The following PKP2 variants were observed in gnomAD, a reference collection of about 807,000 sequenced individuals.
The protein encoded by PKP2 is plakophilin 2, also known as plakophilin-2.
In PKP2, 73 loss-of-function variants were observed where a neutral mutation model predicts 83.4. The ratio of observed to expected loss-of-function variants is 0.88; its 90% CI spans 0.72 to 1.06. The LOEUF is 1.06. Ranked by LOEUF, PKP2 falls within the 50% of genes least tolerant of loss-of-function variation. The pLI is 0.00. For missense variants in PKP2, 966 were observed against 1,065.4 expected, an observed-to-expected ratio of 0.91 and a Z score of 1.30; for synonymous variants, 409 against 430.4, an observed-to-expected ratio of 0.95 and a Z score of 0.62.
At chr12:32,863,884 T>G (rs1453917582) in intron 4 of PKP2, among the ~76,000 whole-genome samples, 2 of 152,232 alleles carry the variant, frequency 1.3e-5, no homozygotes, top group Non-Finnish European at 2.9e-5. Context: ...AGATCATGTC[T>G]TTTACACAGA....
rs138596469 is a variant in PKP2 at position 32,808,750 on chromosome 12, C to T, written c.2014-6194G>A. ...TGTTGTTGTTGTTTTTTTCTTTTCA[C>T]GGTCAGGCTACTGACTCTTAGCAAC... On this transcript the variant is annotated intron_variant, in intron 9 of 12. Coordinates refer to ENST00000340811, the MANE Select transcript of PKP2 (RefSeq NM_001005242.3). Among the ~76,000 whole-genome samples, 593 of 152,158 alleles carry T rather than the reference C, an allele frequency of 3.9e-3. 3 individuals are homozygous for T. Among genetic ancestry groups the T allele is most frequent in the African/African-American group, 0.014 (569 of 41,514 alleles).
At chr12:32,853,663 A>G (rs1207743442) in intron 4 of PKP2, among the ~76,000 whole-genome samples, 2 of 152,026 alleles carry the variant, frequency 1.3e-5, no homozygotes, top group African/African-American at 4.8e-5. Context: ...GGCGCGCCCT[A>G]CCATGCCCAG....
chr12:32,856,459 A>G (rs1453504498), intron 4 of PKP2, among the ~76,000 whole-genome samples: 3 of 152,238 alleles, frequency 2.0e-5, no homozygotes, highest in South Asian at 4.1e-4. Flanking sequence ...TTTTAGAAGT[A>G]GCATTAACAG....
At chr12:32,852,075 T>TAG (rs1956701399) in intron 4 of PKP2, among the ~76,000 whole-genome samples, 1 of 152,244 alleles carries the variant, frequency 6.6e-6, no homozygotes. Flanking sequence ...CATTAGGTTG[T>TAG]AGACTGAAGG....
At chr12:32,795,481 A>G (rs1956111931) in intron 11 of PKP2, among the ~76,000 whole-genome samples, 1 of 152,012 alleles carries the variant, frequency 6.6e-6, no homozygotes, top group Non-Finnish European at 1.5e-5. Flanking sequence ...CCTGGGCTCA[A>G]GTGATTCTCA....
intron 4 of PKP2, among the ~76,000 whole-genome samples, chr12:32,855,435 A>T (rs1956736651): frequency 6.6e-6 from 1 of 152,220 alleles, no homozygotes; most frequent in South Asian, 2.1e-4. Flanking sequence ...ATGTTAACTG[A>T]AATTTATAAA....
At chr12:32,859,672 T>C (rs951906114) in intron 4 of PKP2, among the ~76,000 whole-genome samples, 2 of 152,166 alleles carry the variant, frequency 1.3e-5, no homozygotes, top group Admixed American at 1.3e-4. Flanking sequence ...GCCAGGCTGG[T>C]CTTGAACTCT....
At chr12:32,825,358 G>A (rs1326459990) in intron 6 of PKP2, among the ~76,000 whole-genome samples, 5 of 151,690 alleles carry the variant, frequency 3.3e-5, no homozygotes, top group South Asian at 4.2e-4. Context: ...TAGTAGAGAC[G>A]GGGTTTCACC....
rs16920248 is a variant in PKP2, at chr12:32,815,261, G to A, written c.2013+6095C>T. Among the ~76,000 whole-genome samples, 77 of 152,114 alleles carry A rather than the reference G, an allele frequency of 5.1e-4. No individual in the cohort carries two copies. The East Asian group carries it at 0.013, about 26-fold the overall frequency. On this transcript the variant is annotated intron_variant, in intron 9 of 12. Coordinates refer to ENST00000340811, the MANE Select transcript of PKP2 (RefSeq NM_001005242.3). ...TTAAACCCTTTCATGACTCTTCATCGCCTTCCGAATGATGTTCAAACATCT... is the reference window on the plus strand; with the variant it reads ...TTAAACCCTTTCATGACTCTTCATCACCTTCCGAATGATGTTCAAACATCT...
chr12:32,888,944 C>T (rs1424639179), intron 1 of PKP2, among the ~76,000 whole-genome samples: 3 of 152,178 alleles, frequency 2.0e-5, no homozygotes, highest in East Asian at 1.9e-4. Context: ...GAAAGAGCCA[C>T]CATGCTAGGT....
intron 6 of PKP2, among the ~76,000 whole-genome samples, chr12:32,829,200 AC>A (rs1356794052): frequency 6.6e-6 from 1 of 151,866 alleles, no homozygotes; most frequent in Non-Finnish European, 1.5e-5. Context: ...TGCTGGGATT[AC>A]AGGTGTAAGC....
At chr12:32,822,967 G>A (rs1956396839) in intron 7 of PKP2, among the ~76,000 whole-genome samples, 1 of 152,168 alleles carries the variant, frequency 6.6e-6, no homozygotes, top group Admixed American at 6.6e-5. Flanking sequence ...GACCAACTAG[G>A]AGGCTATTGC....
intron 1 of PKP2, among the ~76,000 whole-genome samples, chr12:32,881,966 T>A (rs1207874021): frequency 6.6e-6 from 1 of 152,134 alleles, no homozygotes; most frequent in Non-Finnish European, 1.5e-5. Flanking sequence ...ATAAAAAGGT[T>A]CTAATCCTGA....
intron 4 of PKP2, among the ~76,000 whole-genome samples, chr12:32,861,363 A>G (rs1188924014): frequency 6.6e-6 from 1 of 152,234 alleles, no homozygotes; most frequent in East Asian, 1.9e-4. Context: ...CATGTTAAAT[A>G]GAAACATAGA....
chr12:32,884,222 A>T (rs1169154644), intron 1 of PKP2, among the ~76,000 whole-genome samples: 1 of 152,142 alleles, frequency 6.6e-6, no homozygotes, highest in East Asian at 1.9e-4. Flanking sequence ...GGGAGGTCCA[A>T]GTGGGCAGAT....
At chr12:32,850,135 C>T (rs1320175776) in intron 5 of PKP2, among the ~76,000 whole-genome samples, 2 of 152,180 alleles carry the variant, frequency 1.3e-5, no homozygotes, top group Non-Finnish European at 2.9e-5. Context: ...TGAATTTAAG[C>T]AGAATTTTCA....
At chr12:32,830,317 C>T (rs892169063) in intron 6 of PKP2, among the ~76,000 whole-genome samples, 1 of 152,170 alleles carries the variant, frequency 6.6e-6, no homozygotes, top group African/African-American at 2.4e-5. Context: ...CTTGTGGTTG[C>T]ACACAACAAA....
At chr12:32,892,325 T>C (rs1957081243) in intron 1 of PKP2, among the ~76,000 whole-genome samples, 1 of 151,448 alleles carries the variant, frequency 6.6e-6, no homozygotes, top group Non-Finnish European at 1.5e-5. Context: ...CTTTTTTTTT[T>C]TTTTTTGAGA....
At chr12:32,860,145 G>A (rs143513109) in intron 4 of PKP2, among the ~76,000 whole-genome samples, 403 of 152,242 alleles carry the variant, frequency 2.6e-3, no homozygotes, top group African/African-American at 9.1e-3. Flanking sequence ...GGCAGTGAGA[G>A]AAAACTTAAG....
Sources: gnomAD v4.1 joint callset for allele counts (sites outside exome capture counted in the v4.1 genomes callset) on GRCh38, gnomAD v4.1.1 for gene constraint, MANE v1.5 for transcripts, NCBI Gene and HGNC (gene_info 2026-07-23, HGNC 2026-07-21) for gene names.